The following MS4A4E variants were observed in gnomAD, a reference collection of about 807,000 sequenced individuals.
MS4A4E encodes the protein putative membrane-spanning 4-domains subfamily A member 4E.
A neutral mutation model predicts 13.3 loss-of-function variants in MS4A4E; 23 were observed. The ratio of observed to expected loss-of-function variants is 1.73; its 90% CI spans 1.25 to 2.45. The LOEUF (loss-of-function observed/expected upper bound fraction) is 2.45. Among genes scored for constraint, MS4A4E ranks in the 30% most tolerant of loss-of-function variants. The pLI, the probability that MS4A4E is intolerant of heterozygous loss-of-function variation, is 0.00. For synonymous variants in MS4A4E, 36 were observed against 45.6 expected (o/e 0.79, Z 0.85); for missense variants, 144 against 131.2 (o/e 1.10, Z -0.48).
At chr11:60,238,028 C>T (rs1490864051) in intron 1 of MS4A4E, among the ~76,000 whole-genome samples, 10 of 151,706 alleles carry the variant, frequency 6.6e-5, no homozygotes, top group African/African-American at 2.4e-4. Flanking sequence ...TGAGATTAAT[C>T]TGACTTTGTC....
In MS4A4E at chr11:60,226,263, A is replaced by G. The variant is rs75787086; in HGVS notation, c.178+2331T>C. 1.4e-4 allele frequency among the ~76,000 whole-genome samples: 22 copies of G among 152,170 alleles called. No individual in the cohort carries two copies. The East Asian group carries it at 4.2e-3, about 29-fold the overall frequency. ...CTTTACAGAAAACAGAAAAAGAGGAAATACTCCCTAACTCATTCTATGGAG... is the reference window on the plus strand; with the variant it reads ...CTTTACAGAAAACAGAAAAAGAGGAGATACTCCCTAACTCATTCTATGGAG... On this transcript the variant is annotated intron_variant, in intron 3 of 8. Transcript: ENST00000651255.
rs564444502 is a variant in MS4A4E at position 60,243,033 on chromosome 11, T to C, written c.-92A>G. On this transcript the variant is annotated 5_prime_UTR_variant, in exon 1 of 9. Transcript: ENST00000651255. ...TGGGCAAGTTCCTCAAAGTTCTTTG[T>C]TCCAGACACAGTCAGCTTCCCCCAC... The C allele has an allele frequency of 1.6e-5, 23 of 1,424,908 alleles. No individual in the cohort carries two copies. The South Asian group carries it at 2.3e-4, about 14-fold the overall frequency. 88.3% of individuals were successfully genotyped at this position (1,424,908 alleles called of 1,614,324 possible).
intron 4 of MS4A4E, chr11:60,213,403 C>T: frequency 1.8e-6 from 2 of 1,109,706 alleles, no homozygotes; most frequent in South Asian, 2.9e-5. Context: ...ATTAGCTGGA[C>T]AGTCATGTCT....
chr11:60,215,521 A>G (rs942108278), intron 3 of MS4A4E, among the ~76,000 whole-genome samples: 3 of 151,840 alleles, frequency 2.0e-5, no homozygotes, highest in African/African-American at 7.2e-5. Context: ...CAACATTATT[A>G]GTGACTTAAA....
At chr11:60,217,037 A>G (rs973860400) in intron 3 of MS4A4E, among the ~76,000 whole-genome samples, 1 of 152,110 alleles carries the variant, frequency 6.6e-6, no homozygotes, top group African/African-American at 2.4e-5. Context: ...GAAAAACAGA[A>G]TATTAAGGAT....
intron 3 of MS4A4E, chr11:60,224,978 C>T: frequency 6.6e-7 from 1 of 1,526,082 alleles, no homozygotes; most frequent in Non-Finnish European, 8.8e-7. Flanking sequence ...CACTGACCCC[C>T]AAATTGTGTA....
At chr11:60,226,059 T>C (rs886181508) in intron 3 of MS4A4E, among the ~76,000 whole-genome samples, 1 of 151,812 alleles carries the variant, frequency 6.6e-6, no homozygotes, top group African/African-American at 2.4e-5. Context: ...CTTGAGCCAA[T>C]GAATTGCTCC....
intron 6 of MS4A4E, among the ~76,000 whole-genome samples, chr11:60,206,969 G>T (rs369973174): frequency 3.9e-5 from 6 of 152,088 alleles, no homozygotes; most frequent in Admixed American, 2.0e-4. Context: ...CCCTGGTCTC[G>T]CAAGAGGATC....
Position 60,200,274 on chromosome 11 carries a change from T to TTTTA in MS4A4E, c.*1265_*1268dup, listed in dbSNP as rs200769146. ...GGAAAAAAAATACTGGATAAATACT[T>TTTTA]TTTATTTATTTATTTATTTATTTAT... On this transcript the variant is annotated 3_prime_UTR_variant, in exon 9 of 9. Transcript: ENST00000651255. Among the ~76,000 whole-genome samples, 4,969 of 151,784 alleles carry TTTTA rather than the reference T, an allele frequency of 0.033. 134 individuals carry two copies. Among genetic ancestry groups the TTTTA allele is most frequent in the African/African-American group, 0.068 (2,826 of 41,318 alleles).
At chr11:60,224,955 C>T in intron 3 of MS4A4E, 1 of 1,501,058 alleles carries the variant, frequency 6.7e-7, no homozygotes, top group Middle Eastern at 1.7e-4. Context: ...TCAAAAAATA[C>T]CCTGCTTACC....
chr11:60,225,103 A>G (rs954038590), intron 3 of MS4A4E: 2 of 1,514,688 alleles, frequency 1.3e-6, no homozygotes, highest in African/African-American at 1.4e-5. Flanking sequence ...CCTAGAAATG[A>G]TGAAAGCAAA....
Position 60,201,585 on chromosome 11 carries a change from G to A in MS4A4E, c.954C>T (p.Ile318=). ...GGGCGGAGACACTCCTCACCTCCCA[G>A]ATGGGATGGTGGCCGGGAAGAGGCG... ...WGAPLPGHHP[I]WEVRSVSARP... Residue 318 remains isoleucine, a synonymous_variant, in exon 9 of 9, where the codon ATC becomes ATT. Transcript: ENST00000651255. The A allele has an allele frequency of 3.1e-6, 1 of 324,926 alleles. No homozygotes were observed. Among genetic ancestry groups the A allele is most frequent in the Non-Finnish European group, 6.2e-6 (1 of 162,430 alleles). The allele number at this position is 324,926 out of a possible 1,614,324, so 20.1% of individuals were successfully genotyped here. A position where few individuals can be genotyped will look rare whatever the true frequency, so the allele number is the denominator to read the frequency against.
chr11:60,229,077 A>G (rs990038959), intron 2 of MS4A4E, among the ~76,000 whole-genome samples: 3 of 152,250 alleles, frequency 2.0e-5, no homozygotes, highest in African/African-American at 7.2e-5. Flanking sequence ...AACTGGAACA[A>G]ATGTCCCACT....
At chr11:60,233,872 C>G (rs576996182) in intron 1 of MS4A4E, among the ~76,000 whole-genome samples, 4 of 152,318 alleles carry the variant, frequency 2.6e-5, no homozygotes, top group Non-Finnish European at 5.9e-5. Context: ...TAGCATGCAA[C>G]TCCAACCTAA....
At chr11:60,211,056 C>T (rs1166909081) in intron 5 of MS4A4E, among the ~76,000 whole-genome samples, 2 of 152,174 alleles carry the variant, frequency 1.3e-5, no homozygotes, top group Admixed American at 1.3e-4. Context: ...CGAAATCAGC[C>T]CTATGAACCT....
In MS4A4E at chr11:60,201,089, G is replaced by A. The variant is rs535810035; in HGVS notation, c.*454C>T. On this transcript the variant is annotated 3_prime_UTR_variant, in exon 9 of 9. Coordinates refer to ENST00000651255, the MANE Select transcript of MS4A4E (RefSeq NM_001393391.1). The stretch of plus-strand genomic sequence containing the variant: ...GGGCTGAACCCCCCACCTCCCTCCC[G>A]GACGGGGCGGCTGGCCGGGCGGGGT... Among the ~76,000 whole-genome samples the A allele has an allele frequency of 1.4e-4, 20 of 139,426 alleles. No homozygotes were observed. The highest frequency in any genetic ancestry group is 1.3e-3 in the East Asian group (5 of 3,988). 91.5% of individuals were successfully genotyped at this position (139,426 alleles called of 152,430 possible).
intron 3 of MS4A4E, among the ~76,000 whole-genome samples, chr11:60,221,607 G>A (rs977555729): frequency 1.3e-5 from 2 of 152,250 alleles, no homozygotes; most frequent in Non-Finnish European, 2.9e-5. Flanking sequence ...TGGGCAGAAT[G>A]TTGAGCACTG....
chr11:60,224,768 A>T (rs1034637994), intron 3 of MS4A4E, among the ~76,000 whole-genome samples: 13 of 152,174 alleles, frequency 8.5e-5, no homozygotes, highest in African/African-American at 2.9e-4. Flanking sequence ...TGACTTATAT[A>T]AAGTATTTAA....
intron 6 of MS4A4E, among the ~76,000 whole-genome samples, chr11:60,207,000 G>A (rs529533810): frequency 6.6e-6 from 1 of 152,258 alleles, no homozygotes; most frequent in South Asian, 2.1e-4. Context: ...GTGGATGACA[G>A]TGCACAATAT....
Sources: allele counts gnomAD v4.1 joint callset (sites outside exome capture counted in the v4.1 genomes callset), GRCh38; gene constraint gnomAD v4.1.1; transcripts MANE v1.5; gene names NCBI Gene and HGNC (gene_info 2026-07-23, HGNC 2026-07-21).